The following PRSS23 variants were observed in gnomAD, a reference collection of about 807,000 sequenced individuals.
PRSS23 encodes the protein serine protease 23.
In PRSS23, 25 loss-of-function variants were observed where a neutral mutation model predicts 34.7. The observed-to-expected ratio is 0.72, with a 90% confidence interval of 0.53 to 1.01. PRSS23 has a LOEUF of 1.01. PRSS23 is among the 50% of genes least tolerant of loss of function. The pLI is 0.00. For missense variants in PRSS23, 445 were observed against 475.6 expected (o/e 0.94, Z 0.60); for synonymous variants, 176 against 186.6 (o/e 0.94, Z 0.46).
intron 2 of PRSS23, among the ~76,000 whole-genome samples, chr11:86,874,772 A>T (rs1948711245): frequency 6.6e-6 from 1 of 152,200 alleles, no homozygotes; most frequent in African/African-American, 2.4e-5. Flanking sequence ...AGGATGGCTT[A>T]TCTCTGCTCC....
chr11:86,849,745 C>T (rs528115765), intron 2 of PRSS23, among the ~76,000 whole-genome samples: 1 of 152,264 alleles, frequency 6.6e-6, no homozygotes, highest in African/African-American at 2.4e-5. Flanking sequence ...TACCTAACCC[C>T]TATATGCTGC....
chr11:86,868,210 A>G (rs1158836921), intron 2 of PRSS23, among the ~76,000 whole-genome samples: 2 of 152,318 alleles, frequency 1.3e-5, no homozygotes, highest in East Asian at 3.9e-4. Flanking sequence ...AAGGCTGAGC[A>G]CACCCTGTGA....
At chr11:86,819,436 G>A (rs1338860272) in intron 1 of PRSS23, among the ~76,000 whole-genome samples, 6 of 152,028 alleles carry the variant, frequency 3.9e-5, no homozygotes, top group Admixed American at 2.0e-4. Flanking sequence ...TATTAACTTA[G>A]TTTAGTCTCT....
At chr11:86,949,405 T>TGAAAAAAAAAAAAA (rs1565396065) in intron 2 of PRSS23, 1 of 143,506 alleles carries the variant, frequency 7.0e-6, no homozygotes, top group African/African-American at 2.7e-5. Context: ...AAAGTGTGAT[T>TGAAAAAAAAAAAAA]GAAAAAAAAA....
At chr11:86,832,151 T>C (rs2134890164) in intron 2 of PRSS23, among the ~76,000 whole-genome samples, 1 of 152,224 alleles carries the variant, frequency 6.6e-6, no homozygotes, top group Non-Finnish European at 1.5e-5. Context: ...GTGTTCACCA[T>C]GTGCGTACAC....
intron 2 of PRSS23, among the ~76,000 whole-genome samples, chr11:86,860,606 C>T (rs1448436018): frequency 6.6e-6 from 1 of 151,718 alleles, no homozygotes; most frequent in Non-Finnish European, 1.5e-5. Flanking sequence ...ACTGTGATAT[C>T]GTTCCTACTA....
chr11:86,914,133 G>A (rs1948997433), intron 2 of PRSS23, among the ~76,000 whole-genome samples: 1 of 151,914 alleles, frequency 6.6e-6, no homozygotes. Flanking sequence ...GGCTGAAGCA[G>A]GAGAATTGCT....
intron 2 of PRSS23, among the ~76,000 whole-genome samples, chr11:86,860,831 T>C (rs752225358): frequency 1.3e-5 from 2 of 151,884 alleles, no homozygotes; most frequent in African/African-American, 2.4e-5. Flanking sequence ...CACCCTGTGA[T>C]ATTTTTCCTA....
intron 2 of PRSS23, among the ~76,000 whole-genome samples, chr11:86,927,795 A>G (rs1949091435): frequency 6.6e-6 from 1 of 152,134 alleles, no homozygotes; most frequent in Admixed American, 6.5e-5. Context: ...CAGGAGGATC[A>G]CTTGAGGTCA....
rs756760849 is a variant in PRSS23, at chr11:86,808,031, A to T, written c.388A>T (p.Ile130Phe). The stretch of plus-strand genomic sequence containing the variant: ...AGGAAAGTCTCGAAGGAAGCGGCAG[A>T]TTTATGGCTATGACAGCAGGTTCAG... ...SSGKSRRKRQ[I>F]YGYDSRFSIF... The change falls in exon 2 of 2, where the codon ATT becomes TTT. Residue 130 changes from isoleucine (I) to phenylalanine (F), a missense_variant. Physicochemically the swap from Ile to Phe is conservative, Grantham distance 21. Transcript: ENST00000280258. 12 of 1,613,884 alleles carry T rather than the reference A, an allele frequency of 7.4e-6. No homozygotes were observed. The highest frequency in any genetic ancestry group is 1.0e-5 in the Non-Finnish European group (12 of 1,180,010).
intron 2 of PRSS23, among the ~76,000 whole-genome samples, chr11:86,873,946 T>C (rs1188605878): frequency 6.6e-6 from 1 of 152,202 alleles, no homozygotes; most frequent in African/African-American, 2.4e-5. Context: ...TGTGTTATTC[T>C]GAGTCCTATG....
At chr11:86,874,994 A>G (rs1948713144) in intron 2 of PRSS23, among the ~76,000 whole-genome samples, 1 of 152,172 alleles carries the variant, frequency 6.6e-6, no homozygotes, top group Non-Finnish European at 1.5e-5. Flanking sequence ...GCATCAGGGT[A>G]GTTGGATTTT....
chr11:86,927,531 G>A (rs1160291999), intron 2 of PRSS23, among the ~76,000 whole-genome samples: 1 of 151,980 alleles, frequency 6.6e-6, no homozygotes, highest in African/African-American at 2.4e-5. Flanking sequence ...TTTTAAAAAT[G>A]AGACGGGGTA....
intron 2 of PRSS23, among the ~76,000 whole-genome samples, chr11:86,906,737 C>G (rs997114171): frequency 5.3e-5 from 8 of 152,124 alleles, no homozygotes; most frequent in African/African-American, 1.9e-4. Flanking sequence ...CTAATGACAA[C>G]AAAAGCAATG....
At chr11:86,950,863 C>T (rs1949284408) in intron 2 of PRSS23, 5 of 501,208 alleles carry the variant, frequency 1.0e-5, no homozygotes, top group South Asian at 8.5e-5. Flanking sequence ...CCTCCACGCT[C>T]CAAGCTGCAA....
chr11:86,925,573 C>T (rs1338087667), intron 2 of PRSS23, among the ~76,000 whole-genome samples: 2 of 152,190 alleles, frequency 1.3e-5, no homozygotes, highest in East Asian at 3.8e-4. Context: ...GAAGGCCCTC[C>T]TGACCCTTCT....
chr11:86,800,955 G>T (rs1337169983), intron 1 of PRSS23, among the ~76,000 whole-genome samples: 1 of 152,082 alleles, frequency 6.6e-6, no homozygotes, highest in Non-Finnish European at 1.5e-5. Context: ...AGAGAGAGCC[G>T]GCTCTCGGCA....
At chr11:86,824,210 A>C (rs1339077725) in intron 2 of PRSS23, among the ~76,000 whole-genome samples, 1 of 151,286 alleles carries the variant, frequency 6.6e-6, no homozygotes, top group Non-Finnish European at 1.5e-5. Flanking sequence ...TGGGAGGCTG[A>C]GGTGGGAGGA....
At chr11:86,900,588 G>A (rs762480515) in intron 2 of PRSS23, among the ~76,000 whole-genome samples, 6 of 151,768 alleles carry the variant, frequency 4.0e-5, no homozygotes, top group South Asian at 4.2e-4. Flanking sequence ...ACCTCACCAC[G>A]CTCATTTTGT....
Sources: allele counts gnomAD v4.1 joint callset (sites outside exome capture counted in the v4.1 genomes callset), GRCh38; gene constraint gnomAD v4.1.1; transcripts MANE v1.5; gene names NCBI Gene and HGNC (gene_info 2026-07-23, HGNC 2026-07-21).